GLIS3: variants seen among roughly 807,000 people sequenced by gnomAD.
GLIS3 encodes zinc finger protein GLIS3.
A neutral mutation model predicts 78.6 loss-of-function variants in GLIS3; 53 were observed. The observed-to-expected ratio is 0.67, with a 90% confidence interval of 0.54 to 0.85. The LOEUF is 0.85. GLIS3 is among the 40% of genes least tolerant of loss of function. The pLI, the probability that GLIS3 is intolerant of heterozygous loss-of-function variation, is 0.00. For missense variants in GLIS3, 1,703 were observed against 1,231.1 expected, an observed-to-expected ratio of 1.38 and a Z score of -5.74; for synonymous variants, 684 against 509.9, an observed-to-expected ratio of 1.34 and a Z score of -4.60.
chr9:3,883,119 G>GTCAA (rs373088032), intron 7 of GLIS3, among the ~76,000 whole-genome samples: 14 of 152,314 alleles, frequency 9.2e-5, no homozygotes, highest in African/African-American at 3.1e-4. Flanking sequence ...TCTGGAGTCA[G>GTCAA]AGAGCTGTGG....
At chr9:3,899,196 T>C (rs1004686006) in intron 6 of GLIS3, among the ~76,000 whole-genome samples, 3 of 152,212 alleles carry the variant, frequency 2.0e-5, no homozygotes, top group African/African-American at 7.2e-5. Flanking sequence ...TCTTGGAAAG[T>C]GCTTTTAAAA....
At chr9:3,860,645 A>T (rs990222183) in intron 8 of GLIS3, among the ~76,000 whole-genome samples, 5 of 152,184 alleles carry the variant, frequency 3.3e-5, no homozygotes, top group African/African-American at 1.2e-4. Context: ...GACAGGCCAG[A>T]AGTCACACCC....
the GLIS3 span, among the ~76,000 whole-genome samples, chr9:4,411,703 T>G: frequency 6.6e-6 from 1 of 152,160 alleles, no homozygotes; most frequent in South Asian, 2.1e-4. Flanking sequence ...AACAACAGAA[T>G]AAAAACTCAC....
chr9:3,839,548 T>G, intron 9 of GLIS3, among the ~76,000 whole-genome samples: 1 of 152,032 alleles, frequency 6.6e-6, no homozygotes, highest in East Asian at 1.9e-4. Context: ...TTAAAACAAC[T>G]TTTTGGTTAA....
chr9:4,274,923 G>C (rs1203741153), intron 2 of GLIS3, among the ~76,000 whole-genome samples: 1 of 152,152 alleles, frequency 6.6e-6, no homozygotes, highest in East Asian at 1.9e-4. Flanking sequence ...TACACCACAA[G>C]TTGCATTTTG....
intron 4 of GLIS3, among the ~76,000 whole-genome samples, chr9:4,032,593 G>GT (rs1366510496): frequency 6.6e-6 from 1 of 152,126 alleles, no homozygotes; most frequent in Middle Eastern, 3.2e-3. Flanking sequence ...ACAAATTTGA[G>GT]TATTTCTAAT....
At chr9:4,110,075 T>C (rs1433215819) in intron 4 of GLIS3, among the ~76,000 whole-genome samples, 1 of 152,200 alleles carries the variant, frequency 6.6e-6, no homozygotes, top group African/African-American at 2.4e-5. Flanking sequence ...AATGTCTCAT[T>C]TATTTCTGTA....
intron 2 of GLIS3, among the ~76,000 whole-genome samples, chr9:4,335,429 T>C (rs1037100093): frequency 1.3e-5 from 2 of 152,102 alleles, no homozygotes; most frequent in African/African-American, 2.4e-5. Flanking sequence ...ATATAGCAAA[T>C]AAAAAGATCT....
At chr9:3,984,876 G>T (rs1029621237) in intron 4 of GLIS3, among the ~76,000 whole-genome samples, 1 of 152,172 alleles carries the variant, frequency 6.6e-6, no homozygotes, top group Non-Finnish European at 1.5e-5. Context: ...CGCGAGATCT[G>T]ATGGTTTTCA....
chr9:3,980,904 G>A (rs1026010936), intron 4 of GLIS3, among the ~76,000 whole-genome samples: 16 of 152,092 alleles, frequency 1.1e-4, no homozygotes, highest in African/African-American at 3.9e-4. Context: ...AGTGACACTT[G>A]GCATTTCAAT....
At chr9:3,924,156 A>G (rs2130743025) in intron 6 of GLIS3, among the ~76,000 whole-genome samples, 1 of 152,264 alleles carries the variant, frequency 6.6e-6, no homozygotes, top group Middle Eastern at 3.4e-3. Flanking sequence ...CTGTTGTGCT[A>G]TTGTCTGAGT....
intron 2 of GLIS3, among the ~76,000 whole-genome samples, chr9:4,239,137 G>A (rs543850000): frequency 7.7e-5 from 10 of 129,214 alleles, no homozygotes; most frequent in African/African-American, 1.2e-4. Context: ...GAATAGTGCC[G>A]CAATAAACAT....
chr9:4,149,178 G>A (rs1424408998), intron 2 of GLIS3, among the ~76,000 whole-genome samples: 1 of 152,164 alleles, frequency 6.6e-6, no homozygotes, highest in African/African-American at 2.4e-5. Flanking sequence ...AAAATGAAGT[G>A]AAAGTTAAAG....
At chr9:4,465,703 C>G in the GLIS3 span, among the ~76,000 whole-genome samples, 3 of 152,006 alleles carry the variant, frequency 2.0e-5, no homozygotes, top group African/African-American at 7.2e-5. Context: ...CTTATGTATT[C>G]CACAAATATA....
At chr9:4,183,391 T>C (rs995403541) in intron 2 of GLIS3, among the ~76,000 whole-genome samples, 16 of 152,206 alleles carry the variant, frequency 1.1e-4, no homozygotes, top group African/African-American at 3.9e-4. Flanking sequence ...ATTACTCATA[T>C]AATAGATATT....
intron 6 of GLIS3, among the ~76,000 whole-genome samples, chr9:3,920,605 A>C (rs1271221676): frequency 8.0e-6 from 1 of 125,070 alleles, no homozygotes; most frequent in Non-Finnish European, 1.6e-5. Flanking sequence ...ATATAAAAGA[A>C]CAGGTTTTTT....
At chr9:4,149,993 T>C (rs1273491578) in intron 2 of GLIS3, among the ~76,000 whole-genome samples, 1 of 152,224 alleles carries the variant, frequency 6.6e-6, no homozygotes, top group African/African-American at 2.4e-5. Flanking sequence ...CATACGGATA[T>C]ATGTTAGGAA....
intron 2 of GLIS3, among the ~76,000 whole-genome samples, chr9:4,156,012 T>C (rs1287426733): frequency 2.0e-5 from 3 of 152,086 alleles, no homozygotes; most frequent in African/African-American, 4.8e-5. Flanking sequence ...AATTTAATCA[T>C]CCATAACCCA....
At chr9:4,407,016 A>T in the GLIS3 span, among the ~76,000 whole-genome samples, 8 of 152,234 alleles carry the variant, frequency 5.3e-5, no homozygotes, top group Non-Finnish European at 1.2e-4. Flanking sequence ...ACAAAACTGG[A>T]AGAATCACAT....
Sources: allele counts gnomAD v4.1 joint callset (sites outside exome capture counted in the v4.1 genomes callset), GRCh38; gene constraint gnomAD v4.1.1; transcripts MANE v1.5; gene names NCBI Gene and HGNC (gene_info 2026-07-23, HGNC 2026-07-21).